Variants in RASAL2 observed in about 807,000 individuals in gnomAD.
RASAL2 encodes ras GTPase-activating protein nGAP.
RASAL2 carries 58 observed loss-of-function variants against 128.9 expected under a neutral mutation model. The ratio of observed to expected loss-of-function variants is 0.45; its 90% confidence interval spans 0.36 to 0.56. The LOEUF (loss-of-function observed/expected upper bound fraction) is 0.56, where lower values mean the gene tolerates loss of function less well. RASAL2 is among the 20% of genes least tolerant of loss of function. RASAL2 has a pLI of 0.00. For missense variants in RASAL2, 1,360 were observed against 1,601.6 expected (o/e 0.85, Z 2.57); for synonymous variants, 561 against 580.8 (o/e 0.97, Z 0.49).
At chr1:178,350,355 G>GA (rs1472526406) in intron 3 of RASAL2, among the ~76,000 whole-genome samples, 1 of 152,156 alleles carries the variant, frequency 6.6e-6, no homozygotes, top group Admixed American at 6.5e-5. Context: ...CGAGTAGCTG[G>GA]AACTACAACT....
chr1:178,151,477 T>G (rs1660913444), intron 1 of RASAL2, among the ~76,000 whole-genome samples: 1 of 152,210 alleles, frequency 6.6e-6, no homozygotes. Flanking sequence ...ATTGATCAGT[T>G]GATGAAAATG....
intron 1 of RASAL2, among the ~76,000 whole-genome samples, chr1:178,149,230 G>A (rs1471013734): frequency 1.3e-5 from 2 of 152,052 alleles, no homozygotes; most frequent in African/African-American, 4.8e-5. Flanking sequence ...AAGAGTTTAT[G>A]TTCTTAGATT....
chr1:178,131,076 A>C (rs899828837), intron 1 of RASAL2, among the ~76,000 whole-genome samples: 6 of 149,876 alleles, frequency 4.0e-5, no homozygotes, highest in African/African-American at 1.5e-4. Flanking sequence ...AAAAAAAAAC[A>C]AAAAAAACCA....
In RASAL2 at chr1:178,280,335, A is replaced by G. The variant is rs555994510; in HGVS notation, c.203-3229A>G. Among the ~76,000 whole-genome samples the G allele has an allele frequency of 3.3e-5, 5 of 152,236 alleles. No individual in the cohort carries two copies. The South Asian group carries it at 6.2e-4, about 19-fold the overall frequency. On this transcript the variant is annotated intron_variant, in intron 1 of 17. Transcript: ENST00000367649. Reference sequence around the variant, plus strand: ...AGACTTTAAAGAGATTTGCAAAAATATAAAAGAGTCGCTCTTTTAATTTTT... The same window carrying G: ...AGACTTTAAAGAGATTTGCAAAAATGTAAAAGAGTCGCTCTTTTAATTTTT...
At chr1:178,276,246 T>G (rs762957369) in intron 1 of RASAL2, among the ~76,000 whole-genome samples, 1 of 152,172 alleles carries the variant, frequency 6.6e-6, no homozygotes, top group Non-Finnish European at 1.5e-5. Flanking sequence ...AAATTTTTGT[T>G]TGTTGTTCTG....
rs80227844 is a variant in RASAL2, at chr1:178,132,384, A to G, written c.202+37690A>G. Among the ~76,000 whole-genome samples, 1,356 of 151,888 alleles carry G rather than the reference A, an allele frequency of 8.9e-3. 21 individuals are homozygous for G. Among genetic ancestry groups the G allele is most frequent in the African/African-American group, 0.031 (1,273 of 41,380 alleles). On this transcript the variant is annotated intron_variant, in intron 1 of 17. Coordinates refer to ENST00000367649, the MANE Select transcript of RASAL2 (RefSeq NM_170692.4). ...TTTTTCCTTAAAAAAATAATTTACT[A>G]CTGTCAGTGTACCATACCTGTTACC...
At chr1:178,395,100 A>G (rs1023965861) in intron 4 of RASAL2, among the ~76,000 whole-genome samples, 2 of 152,322 alleles carry the variant, frequency 1.3e-5, no homozygotes, top group East Asian at 1.9e-4. Flanking sequence ...GTAAGTGTCC[A>G]TTGTCCAAAC....
intron 1 of RASAL2, among the ~76,000 whole-genome samples, chr1:178,201,890 C>G (rs1662886008): frequency 6.6e-6 from 1 of 152,168 alleles, no homozygotes; most frequent in African/African-American, 2.4e-5. Flanking sequence ...AGCTAGTTTA[C>G]AGACCCAGAA....
chr1:178,252,088 T>G lies in RASAL2; in HGVS notation c.203-31476T>G, dbSNP rs372588941. On this transcript the variant is annotated intron_variant, in intron 1 of 17. Coordinates refer to ENST00000367649, the MANE Select transcript of RASAL2 (RefSeq NM_170692.4). Reference sequence around the variant, plus strand: ...TTGAAAAATTTTATAAACTGAAAATTTATGTGGGGGTGGAGGAAATTTTTG... The same window carrying G: ...TTGAAAAATTTTATAAACTGAAAATGTATGTGGGGGTGGAGGAAATTTTTG... 9.9e-4 allele frequency among the ~76,000 whole-genome samples: 151 copies of G among 152,224 alleles called. 1 individual carries two copies. The highest frequency in any genetic ancestry group is 1.7e-3 in the Non-Finnish European group (116 of 67,986).
chr1:178,288,735 C>T (rs1667147993), intron 2 of RASAL2, among the ~76,000 whole-genome samples: 1 of 147,564 alleles, frequency 6.8e-6, no homozygotes. Context: ...ACTGCAATCT[C>T]CGCCTCCTGG....
At chr1:178,407,609 A>G (rs996692139) in intron 4 of RASAL2, among the ~76,000 whole-genome samples, 2 of 152,168 alleles carry the variant, frequency 1.3e-5, no homozygotes, top group African/African-American at 4.8e-5. Context: ...ATTTTGAGAA[A>G]TTGCCATTTA....
At position 178,112,506 on chromosome 1, in the gene RASAL2, C is replaced by T. The variant is rs540443912; in HGVS notation, c.202+17812C>T. 1.1e-3 allele frequency among the ~76,000 whole-genome samples: 174 copies of T among 151,542 alleles called. 1 individual carries two copies. Among genetic ancestry groups the T allele is most frequent in the African/African-American group, 2.9e-3 (121 of 41,264 alleles). On this transcript the variant is annotated intron_variant, in intron 1 of 17. Coordinates refer to ENST00000367649, the MANE Select transcript of RASAL2 (RefSeq NM_170692.4). ...TGGAGGTTGCAGTGAGCCAGGATCG[C>T]GACACTGCACTCCCGCCTGGGTGAC...
intron 1 of RASAL2, among the ~76,000 whole-genome samples, chr1:178,192,706 C>CTACA (rs1213528487): frequency 1.3e-5 from 2 of 152,096 alleles, no homozygotes; most frequent in African/African-American, 2.4e-5. Context: ...ATTTAGCAAC[C>CTACA]TACAGTCTTC....
intron 1 of RASAL2, among the ~76,000 whole-genome samples, chr1:178,169,515 A>G (rs1431552618): frequency 6.6e-6 from 1 of 152,110 alleles, no homozygotes; most frequent in Non-Finnish European, 1.5e-5. Flanking sequence ...TGTCATAAGG[A>G]TGCTAACTAT....
intron 4 of RASAL2, 126 bp downstream of exon 4, chr1:178,390,332 T>G: frequency 1.5e-6 from 1 of 665,488 alleles, no homozygotes; most frequent in East Asian, 3.0e-5. Flanking sequence ...AATTCTGTGA[T>G]TAAAGGATAG....
chr1:178,324,227 G>A (rs547787354), intron 3 of RASAL2, among the ~76,000 whole-genome samples: 4 of 152,262 alleles, frequency 2.6e-5, no homozygotes, highest in African/African-American at 9.6e-5. Context: ...TAGGTGTTAT[G>A]TTTCTCATCT....
chr1:178,216,115 G>A (rs971364961), intron 1 of RASAL2, among the ~76,000 whole-genome samples: 1 of 152,236 alleles, frequency 6.6e-6, no homozygotes, highest in Non-Finnish European at 1.5e-5. Flanking sequence ...GAAGTCCTTA[G>A]GAAAGACTGG....
intron 1 of RASAL2, among the ~76,000 whole-genome samples, chr1:178,113,948 G>A (rs894636693): frequency 2.6e-5 from 4 of 151,912 alleles, no homozygotes; most frequent in African/African-American, 9.7e-5. Flanking sequence ...TAAATGTATG[G>A]TTTAAATTTT....
intron 1 of RASAL2, among the ~76,000 whole-genome samples, chr1:178,227,904 CATT>C (rs888464999): frequency 2.0e-5 from 3 of 152,094 alleles, no homozygotes; most frequent in Non-Finnish European, 4.4e-5. Flanking sequence ...GTTCTAGTAT[CATT>C]GTTTCTAAGA....
Sources: allele counts gnomAD v4.1 joint callset (sites outside exome capture counted in the v4.1 genomes callset), GRCh38; gene constraint gnomAD v4.1.1; transcripts MANE v1.5; gene names NCBI Gene and HGNC (gene_info 2026-07-23, HGNC 2026-07-21).